The following PHF2 variants were observed in gnomAD, a reference collection of about 807,000 sequenced individuals.
PHF2 encodes PHD finger protein 2, also known as lysine-specific demethylase PHF2.
Under a neutral mutation model 120.5 loss-of-function variants are expected in PHF2, and 27 were observed. The observed-to-expected ratio is 0.22, with a 90% CI of 0.17 to 0.31. The LOEUF (loss-of-function observed/expected upper bound fraction) is 0.31. PHF2 is among the 10% of genes least tolerant of loss of function. PHF2 has a pLI of 1.00. For synonymous variants in PHF2, 568 were observed against 592.5 expected, an observed-to-expected ratio of 0.96 and a Z score of 0.60; for missense variants, 1,024 against 1,434.8, an observed-to-expected ratio of 0.71 and a Z score of 4.63.
chr9:93,584,385 T>C (rs1258704998), intron 1 of PHF2, among the ~76,000 whole-genome samples: 2 of 152,218 alleles, frequency 1.3e-5, no homozygotes, highest in Non-Finnish European at 2.9e-5. Flanking sequence ...TTAGCTCTTA[T>C]CTTAGGTTTT....
At chr9:93,662,639 A>G (rs541433040) in intron 12 of PHF2, among the ~76,000 whole-genome samples, 1 of 151,718 alleles carries the variant, frequency 6.6e-6, no homozygotes, top group Non-Finnish European at 1.5e-5. Flanking sequence ...GGATTGGTGG[A>G]TGAATGAACG....
At chr9:93,662,570 G>GGATGGATA (rs1554798786) in intron 12 of PHF2, among the ~76,000 whole-genome samples, 3 of 143,246 alleles carry the variant, frequency 2.1e-5, no homozygotes, top group Admixed American at 6.9e-5. Flanking sequence ...ATGGATGGAT[G>GGATGGATA]GATGAACAAA....
chr9:93,640,209 T>C (rs894134649), intron 3 of PHF2, among the ~76,000 whole-genome samples: 1 of 152,202 alleles, frequency 6.6e-6, no homozygotes, highest in African/African-American at 2.4e-5. Flanking sequence ...GCTTTTTGGA[T>C]CTTTGGTTTC....
At chr9:93,591,891 A>G (rs553657399) in intron 1 of PHF2, among the ~76,000 whole-genome samples, 9 of 152,292 alleles carry the variant, frequency 5.9e-5, no homozygotes, top group Non-Finnish European at 1.3e-4. Flanking sequence ...GCCTGCTCCT[A>G]GTCTGGCTGC....
At chr9:93,668,801 T>C (rs1038799793) in intron 17 of PHF2, among the ~76,000 whole-genome samples, 8 of 152,206 alleles carry the variant, frequency 5.3e-5, no homozygotes, top group Non-Finnish European at 1.0e-4. Flanking sequence ...CACGTGCACA[T>C]GTGCCTGCTA....
intron 1 of PHF2, among the ~76,000 whole-genome samples, chr9:93,586,396 A>G (rs1863044617): frequency 6.6e-6 from 1 of 152,220 alleles, no homozygotes; most frequent in Admixed American, 6.5e-5. Context: ...CACTGTTTGC[A>G]CCCAGCACTG....
intron 18 of PHF2, among the ~76,000 whole-genome samples, chr9:93,674,392 C>T (rs1042145414): frequency 4.6e-5 from 7 of 152,226 alleles, no homozygotes; most frequent in East Asian, 3.9e-4. Flanking sequence ...CCTCCATGGA[C>T]GTTAGACGTT....
At chr9:93,653,446 CT>C in intron 6 of PHF2, 81 bp downstream of exon 6, 1 of 1,461,594 alleles carries the variant, frequency 6.8e-7, no homozygotes, top group Non-Finnish European at 9.4e-7. Flanking sequence ...CCCACAAGCC[CT>C]GATTGGCCAG....
At position 93,677,105 on chromosome 9, in the gene PHF2, CCAAG is replaced by C; in HGVS notation, c.3202+143_3202+146del. 6 of 886,666 alleles carry C rather than the reference CCAAG, an allele frequency of 6.8e-6. No individual in the cohort carries two copies. Among genetic ancestry groups the C allele is most frequent in the South Asian group, 6.1e-5 (3 of 49,306 alleles). 54.9% of individuals were successfully genotyped at this position (886,666 alleles called of 1,614,324 possible). Reference sequence around the variant, plus strand: ...GCCTTGGGTGGCAGGGTGCTGTGGTCCAAGTTGGTTGCATCTTTGTGTGAGCGTA... The same window carrying C: ...GCCTTGGGTGGCAGGGTGCTGTGGTCTTGGTTGCATCTTTGTGTGAGCGTA... On this transcript the variant is annotated intron_variant, in intron 21 of 21. Coordinates refer to ENST00000359246, the MANE Select transcript of PHF2 (RefSeq NM_005392.4). The surrounding 1 kb of genome is among the most constrained non-coding windows in gnomAD (Gnocchi z 4.4).
chr9:93,622,433 G>A (rs1825840698), intron 1 of PHF2, among the ~76,000 whole-genome samples: 1 of 152,234 alleles, frequency 6.6e-6, no homozygotes, highest in Non-Finnish European at 1.5e-5. Flanking sequence ...AGCCAGCTGT[G>A]GATGGGGAGA....
chr9:93,606,731 C>T (rs1166257107), intron 1 of PHF2, among the ~76,000 whole-genome samples: 1 of 152,110 alleles, frequency 6.6e-6, no homozygotes, highest in Non-Finnish European at 1.5e-5. Flanking sequence ...ATTTTTTCTT[C>T]ATGGATCGTG....
rs1449492829 is a variant in PHF2 at position 93,677,536 on chromosome 9, C to T, written c.3203-52C>T. ...TCCCCCCCACCGGCATGCCACGCCCCTTGCCATCTAGCTTACCTTCCCTTT... is the reference window on the plus strand; with the variant it reads ...TCCCCCCCACCGGCATGCCACGCCCTTTGCCATCTAGCTTACCTTCCCTTT... On this transcript the variant is annotated intron_variant, in intron 21 of 21. Transcript: ENST00000359246. This position sits in a 1 kb window ranked among gnomAD's most constrained non-coding sequence, Gnocchi z 4.4. 7.0e-7 allele frequency: 1 copy of T among 1,436,952 alleles called. No homozygotes were observed. The highest frequency in any genetic ancestry group is 9.8e-7 in the Non-Finnish European group (1 of 1,022,354). The allele number at this position is 1,436,952 out of a possible 1,614,324, so 89.0% of individuals were successfully genotyped here. A position where few individuals can be genotyped will look rare whatever the true frequency, so the allele number is the denominator to read the frequency against.
chr9:93,662,497 G>A lies in PHF2; in HGVS notation c.1699-410G>A, dbSNP rs187377375. ...TGAGTGGATGGATGAATGGGTGGGT[G>A]GATGAATGGGATGAACGAATGGATG... On this transcript the variant is annotated intron_variant, in intron 12 of 21. Coordinates refer to ENST00000359246, the MANE Select transcript of PHF2 (RefSeq NM_005392.4). Among the ~76,000 whole-genome samples the A allele has an allele frequency of 5.4e-4, 81 of 150,594 alleles. 1 individual carries two copies. The highest frequency in any genetic ancestry group is 1.9e-3 in the African/African-American group (79 of 40,878).
In PHF2 at chr9:93,645,896, C is replaced by T. The variant is rs1432528699; in HGVS notation, c.460+107C>T. 67 of 1,283,118 alleles carry T rather than the reference C, an allele frequency of 5.2e-5. 1 individual carries two copies. Among genetic ancestry groups the T allele is most frequent in the South Asian group, 2.4e-4 (15 of 63,144 alleles). The allele number at this position is 1,283,118 out of a possible 1,614,324, so 79.5% of individuals were successfully genotyped here. ...ACGCCCTGGCTGTGTCCATGTGTGC[C>T]GTGAGCAGTGGAGCCTCAAGGCTCA... On this transcript the variant is annotated intron_variant, in intron 4 of 21. Coordinates refer to ENST00000359246, the MANE Select transcript of PHF2 (RefSeq NM_005392.4).
At chr9:93,617,940 C>CAA (rs1438367087) in intron 1 of PHF2, among the ~76,000 whole-genome samples, 2 of 152,200 alleles carry the variant, frequency 1.3e-5, no homozygotes, top group African/African-American at 4.8e-5. Context: ...CCCACTGACT[C>CAA]AAATGTTAAT....
At chr9:93,621,653 C>CT (rs1247134495) in intron 1 of PHF2, among the ~76,000 whole-genome samples, 1 of 152,198 alleles carries the variant, frequency 6.6e-6, no homozygotes, top group Non-Finnish European at 1.5e-5. Flanking sequence ...CCCACCTGAC[C>CT]TTTGTGCCTC....
intron 1 of PHF2, among the ~76,000 whole-genome samples, chr9:93,593,084 CAAA>C (rs200919035): frequency 0.089 from 7,396 of 83,254 alleles, 457 homozygotes; most frequent in African/African-American, 0.2. Flanking sequence ...TCCTTTATGC[CAAA>C]AAAAAAAAAA....
intron 17 of PHF2, among the ~76,000 whole-genome samples, chr9:93,669,347 T>C (rs1826740211): frequency 6.6e-6 from 1 of 152,244 alleles, no homozygotes; most frequent in Admixed American, 6.5e-5. Context: ...AGAGCCTGCT[T>C]CTGCGGAGAT....
intron 3 of PHF2, among the ~76,000 whole-genome samples, chr9:93,637,204 G>T (rs1826107803): frequency 6.6e-6 from 1 of 152,168 alleles, no homozygotes; most frequent in Non-Finnish European, 1.5e-5. Context: ...CTCCCTTCTT[G>T]CATGTGTGAT....
Sources: allele counts gnomAD v4.1 joint callset (sites outside exome capture counted in the v4.1 genomes callset), GRCh38; gene constraint gnomAD v4.1.1; non-coding constraint Gnocchi (gnomAD v3.1); transcripts MANE v1.5; gene names NCBI Gene and HGNC (gene_info 2026-07-23, HGNC 2026-07-21).